Variants in VPS13A observed in about 807,000 individuals in gnomAD.
VPS13A encodes the protein vacuolar protein sorting 13 homolog A, also known as intermembrane lipid transfer protein VPS13A.
Under a neutral mutation model 390.9 loss-of-function variants are expected in VPS13A, and 264 were observed. That is an observed-to-expected ratio of 0.68 (90% confidence interval 0.61 to 0.75). The LOEUF (loss-of-function observed/expected upper bound fraction) is 0.75. VPS13A is among the 30% of genes least tolerant of loss of function. VPS13A has a pLI of 0.00. For synonymous variants in VPS13A, 1,231 were observed against 1,227.1 expected, an observed-to-expected ratio of 1.00 and a Z score of -0.07; for missense variants, 3,409 against 3,733.9, an observed-to-expected ratio of 0.91 and a Z score of 2.27.
chr9:77,413,217 A>T (rs1009110457), intron 71 of VPS13A, among the ~76,000 whole-genome samples: 80 of 152,322 alleles, frequency 5.3e-4, no homozygotes, highest in Admixed American at 2.5e-3. Flanking sequence ...GCTACCAATG[A>T]CTTTCTTCAC....
intron 71 of VPS13A, among the ~76,000 whole-genome samples, chr9:77,411,660 CAAAAA>C (rs1169254413): frequency 5.3e-4 from 18 of 33,916 alleles, no homozygotes; most frequent in African/African-American, 1.1e-3. Context: ...AACTCCATCT[CAAAAA>C]AAAAAAAAAA....
At chr9:77,343,486 A>C (rs891715024) in intron 50 of VPS13A, among the ~76,000 whole-genome samples, 4 of 152,188 alleles carry the variant, frequency 2.6e-5, no homozygotes, top group Admixed American at 6.5e-5. Context: ...GAGTTGACTT[A>C]ATAGCTTACA....
At chr9:77,360,457 T>A (rs1832080383) in intron 58 of VPS13A, 79 bp from the exon 59 acceptor site, 1 of 1,081,328 alleles carries the variant, frequency 9.2e-7, no homozygotes, top group Admixed American at 1.7e-5. Context: ...ATTGATCTCA[T>A]ACTTTTTTCT....
intron 23 of VPS13A, among the ~76,000 whole-genome samples, chr9:77,268,165 C>A (rs774126806): frequency 6.6e-6 from 1 of 152,240 alleles, no homozygotes; most frequent in African/African-American, 2.4e-5. Flanking sequence ...AAAGGTTCAT[C>A]TTGCTGGCAT....
At chr9:77,267,453 A>C (rs1177458861) in intron 23 of VPS13A, among the ~76,000 whole-genome samples, 1 of 152,164 alleles carries the variant, frequency 6.6e-6, no homozygotes, top group Non-Finnish European at 1.5e-5. Flanking sequence ...AGTTTGTTGG[A>C]GGTCCACTGC....
intron 68 of VPS13A, among the ~76,000 whole-genome samples, chr9:77,401,328 G>GTT (rs398046580): frequency 3.2e-5 from 3 of 95,166 alleles, no homozygotes; most frequent in Non-Finnish European, 4.2e-5. Context: ...ATCACATGAA[G>GTT]TTGTGTGTGT....
At chr9:77,237,426 A>G (rs1424564700) in intron 17 of VPS13A, among the ~76,000 whole-genome samples, 2 of 151,596 alleles carry the variant, frequency 1.3e-5, no homozygotes, top group Non-Finnish European at 2.9e-5. Flanking sequence ...GGGCAGTGGC[A>G]TGATCTCGGC....
chr9:77,333,728 TTCTC>T (rs1373644028), intron 46 of VPS13A, among the ~76,000 whole-genome samples: 10 of 152,142 alleles, frequency 6.6e-5, no homozygotes, highest in Admixed American at 1.3e-4. Flanking sequence ...ATGGCTATCT[TTCTC>T]TATTCTATTT....
intron 71 of VPS13A, among the ~76,000 whole-genome samples, chr9:77,411,780 A>T (rs1834944856): frequency 6.6e-6 from 1 of 151,928 alleles, no homozygotes; most frequent in Admixed American, 6.6e-5. Flanking sequence ...AGACACAAAA[A>T]ACCCTTCAAA....
intron 19 of VPS13A, among the ~76,000 whole-genome samples, chr9:77,241,820 T>C (rs1364070861): frequency 6.6e-6 from 1 of 152,168 alleles, no homozygotes; most frequent in Non-Finnish European, 1.5e-5. Flanking sequence ...TTGAGGAATA[T>C]ATCATACTTA....
At chr9:77,179,149 A>G (rs1396951351) in intron 1 of VPS13A, among the ~76,000 whole-genome samples, 1 of 152,210 alleles carries the variant, frequency 6.6e-6, no homozygotes, top group Admixed American at 6.5e-5. Flanking sequence ...CTTGAGGTGA[A>G]CTTTGATCTG....
intron 33 of VPS13A, among the ~76,000 whole-genome samples, chr9:77,297,575 T>C (rs1477886750): frequency 6.6e-6 from 1 of 151,866 alleles, no homozygotes; most frequent in African/African-American, 2.4e-5. Flanking sequence ...GTCTGTCTTT[T>C]TTTTGGGGGG....
At chr9:77,305,647 G>A (rs2131402628) in intron 34 of VPS13A, 1 of 175,974 alleles carries the variant, frequency 5.7e-6, no homozygotes, top group Non-Finnish European at 1.2e-5. Context: ...GGTAAAGTTG[G>A]GGCTTCCCTT....
chr9:77,350,017 AT>A (rs973216538), intron 52 of VPS13A, among the ~76,000 whole-genome samples: 5 of 151,982 alleles, frequency 3.3e-5, no homozygotes, highest in African/African-American at 1.2e-4. Context: ...TCCTTACCAT[AT>A]TTTTTTGTAG....
intron 71 of VPS13A, among the ~76,000 whole-genome samples, chr9:77,415,275 A>C (rs529246947): frequency 6.6e-6 from 1 of 152,282 alleles, no homozygotes; most frequent in East Asian, 1.9e-4. Context: ...CTTGGCCAGG[A>C]ACATCCAGAG....
intron 17 of VPS13A, among the ~76,000 whole-genome samples, chr9:77,229,453 C>T (rs926982222): frequency 4.6e-5 from 7 of 152,234 alleles, no homozygotes; most frequent in Non-Finnish European, 7.3e-5. Context: ...TACCCAGCCC[C>T]TGGCAACAAC....
At chr9:77,316,516 T>A in intron 39 of VPS13A, 110 bp downstream of exon 39, 2 of 890,154 alleles carry the variant, frequency 2.2e-6, no homozygotes, top group Non-Finnish European at 3.6e-6. Flanking sequence ...CTCTGTAAAA[T>A]GTCTTTCTCT....
chr9:77,344,785 A>C (rs755052655), intron 51 of VPS13A, among the ~76,000 whole-genome samples: 5 of 152,008 alleles, frequency 3.3e-5, no homozygotes, highest in African/African-American at 1.2e-4. Context: ...AGTTAGTTGG[A>C]ATGCCTGGAA....
At chr9:77,345,199 C>G (rs918061621) in intron 52 of VPS13A, 57 bp downstream of exon 52, 28 of 1,568,450 alleles carry the variant, frequency 1.8e-5, no homozygotes, top group Non-Finnish European at 2.4e-5. Context: ...TGATGAGGCA[C>G]AGTTTTTTTT....
Sources: gnomAD v4.1 joint callset for allele counts (sites outside exome capture counted in the v4.1 genomes callset) on GRCh38, gnomAD v4.1.1 for gene constraint, MANE v1.5 for transcripts, NCBI Gene and HGNC (gene_info 2026-07-23, HGNC 2026-07-21) for gene names.